Variants in LRRIQ3 observed in about 807,000 individuals in gnomAD.
LRRIQ3 encodes the protein leucine rich repeats and IQ motif containing 3, also known as leucine-rich repeat and IQ domain-containing protein 3.
In LRRIQ3, 75 loss-of-function variants were observed where a neutral mutation model predicts 59.3. The ratio of observed to expected loss-of-function variants is 1.26; its 90% confidence interval spans 1.05 to 1.53. LRRIQ3 has a LOEUF of 1.53. Ranked by LOEUF, LRRIQ3 falls within the 40% of genes most tolerant of loss-of-function variation. LRRIQ3 has a pLI of 0.00. For synonymous variants in LRRIQ3, 250 were observed against 231.3 expected (o/e 1.08, Z -0.73); for missense variants, 831 against 710.0 (o/e 1.17, Z -1.94).
intron 5 of LRRIQ3, 26 bp downstream of exon 5, chr1:74,109,368 A>G (rs910058632): frequency 7.2e-7 from 1 of 1,382,754 alleles, no homozygotes; most frequent in African/African-American, 1.5e-5. Flanking sequence ...CATTTCAAAT[A>G]AAAATAATAA....
At chr1:74,135,398 AACTTT>A (rs2100622096) in intron 4 of LRRIQ3, among the ~76,000 whole-genome samples, 1 of 152,016 alleles carries the variant, frequency 6.6e-6, no homozygotes, top group South Asian at 2.1e-4. Context: ...TCTATCAACT[AACTTT>A]ACTTAACTGA....
intron 6 of LRRIQ3, among the ~76,000 whole-genome samples, chr1:74,060,188 T>TTCTTC: frequency 9.0e-6 from 1 of 111,628 alleles, no homozygotes; most frequent in South Asian, 3.0e-4. Context: ...TCTTCTTCTT[T>TTCTTC]TTCTTCTTCT....
At chr1:74,141,819 A>G (rs1393018662) in intron 4 of LRRIQ3, among the ~76,000 whole-genome samples, 1 of 151,764 alleles carries the variant, frequency 6.6e-6, no homozygotes, top group Non-Finnish European at 1.5e-5. Context: ...TTCCTAGTCC[A>G]CTTTTGTTTT....
intron 1 of LRRIQ3, among the ~76,000 whole-genome samples, chr1:74,184,164 A>T (rs1219759764): frequency 6.6e-6 from 1 of 152,080 alleles, no homozygotes; most frequent in Non-Finnish European, 1.5e-5. Flanking sequence ...TAAAGGTGCT[A>T]TACAGGCCTT....
chr1:74,089,032 T>C (rs1646365468), intron 5 of LRRIQ3, among the ~76,000 whole-genome samples: 1 of 151,984 alleles, frequency 6.6e-6, no homozygotes, highest in Non-Finnish European at 1.5e-5. Context: ...ATAGAAGATA[T>C]ATAAAGGGAC....
chr1:74,055,630 T>G (rs2100428042), intron 6 of LRRIQ3, among the ~76,000 whole-genome samples: 1 of 152,298 alleles, frequency 6.6e-6, no homozygotes, highest in South Asian at 2.1e-4. Context: ...TTTGATTTTT[T>G]TATTTGTTTC....
intron 6 of LRRIQ3, among the ~76,000 whole-genome samples, chr1:74,048,445 T>C (rs540261932): frequency 7.8e-4 from 119 of 152,292 alleles, no homozygotes; most frequent in African/African-American, 2.7e-3. Flanking sequence ...ATGTAACAGA[T>C]AACAATTTCC....
chr1:74,163,201 TAA>T (rs1648761287), intron 3 of LRRIQ3, among the ~76,000 whole-genome samples: 1 of 151,550 alleles, frequency 6.6e-6, no homozygotes, highest in African/African-American at 2.4e-5. Context: ...ACCAATCCCA[TAA>T]GTGTTTATTT....
At chr1:74,192,989 T>A (rs1650865710) in intron 1 of LRRIQ3, among the ~76,000 whole-genome samples, 2 of 152,120 alleles carry the variant, frequency 1.3e-5, no homozygotes. Context: ...GCATGTCCCC[T>A]GAATCATATC....
chr1:74,040,890 C>T (rs915520441), intron 7 of LRRIQ3, among the ~76,000 whole-genome samples: 7 of 151,976 alleles, frequency 4.6e-5, no homozygotes, highest in South Asian at 4.1e-4. Context: ...AGCTAGAGGC[C>T]GGACACGTTG....
At chr1:74,135,035 G>A (rs910773706) in intron 4 of LRRIQ3, among the ~76,000 whole-genome samples, 6 of 151,768 alleles carry the variant, frequency 4.0e-5, no homozygotes, top group Non-Finnish European at 7.4e-5. Flanking sequence ...TCAGAGATGC[G>A]AATCAGCCAA....
intron 3 of LRRIQ3, among the ~76,000 whole-genome samples, chr1:74,172,205 T>G (rs923727844): frequency 1.3e-5 from 2 of 152,106 alleles, no homozygotes; most frequent in African/African-American, 4.8e-5. Flanking sequence ...TCATTTTTTC[T>G]TTTTTAAAAT....
chr1:74,186,362 G>GT (rs1466838203), intron 1 of LRRIQ3, among the ~76,000 whole-genome samples: 5 of 152,012 alleles, frequency 3.3e-5, no homozygotes, highest in African/African-American at 1.2e-4. Context: ...CCAAAGTGGA[G>GT]TTTTTTCTAT....
intron 6 of LRRIQ3, among the ~76,000 whole-genome samples, chr1:74,055,395 T>G (rs1200850230): frequency 6.6e-6 from 1 of 151,992 alleles, no homozygotes; most frequent in African/African-American, 2.4e-5. Context: ...CAAACCTATT[T>G]TATATCTCTA....
chr1:74,125,804 T>C (rs765902879), intron 4 of LRRIQ3, among the ~76,000 whole-genome samples: 2 of 151,912 alleles, frequency 1.3e-5, no homozygotes, highest in African/African-American at 2.4e-5. Context: ...GATTCTGGAA[T>C]GTAGTTTTCT....
intron 3 of LRRIQ3, among the ~76,000 whole-genome samples, chr1:74,169,193 C>T (rs1210333480): frequency 6.6e-6 from 1 of 152,120 alleles, no homozygotes; most frequent in Non-Finnish European, 1.5e-5. Context: ...CCATGACTGA[C>T]CTGTTTCACC....
chr1:74,183,709 G>T (rs559833406), intron 1 of LRRIQ3, 25 bp from the exon 2 acceptor site: 3 of 1,405,128 alleles, frequency 2.1e-6, no homozygotes, highest in East Asian at 5.3e-5. Flanking sequence ...AAAGTGCTTT[G>T]ATTTTTTTTT....
chr1:74,039,883 G>A (rs1294216556), intron 7 of LRRIQ3, among the ~76,000 whole-genome samples: 2 of 152,066 alleles, frequency 1.3e-5, no homozygotes, highest in African/African-American at 4.8e-5. Flanking sequence ...ACCAACTAGT[G>A]TGCAAAATAA....
At chr1:74,117,817 CAAT>C (rs1434264162) in intron 4 of LRRIQ3, among the ~76,000 whole-genome samples, 2 of 151,892 alleles carry the variant, frequency 1.3e-5, no homozygotes, top group African/African-American at 4.8e-5. Context: ...ATCAGTAATA[CAAT>C]AATAAAAATA....
Sources: gnomAD v4.1 joint callset for allele counts (sites outside exome capture counted in the v4.1 genomes callset) on GRCh38, gnomAD v4.1.1 for gene constraint, MANE v1.5 for transcripts, NCBI Gene and HGNC (gene_info 2026-07-23, HGNC 2026-07-21) for gene names.